The following SLC5A4 variants were observed in gnomAD, a reference collection of about 807,000 sequenced individuals.
SLC5A4 encodes the protein probable glucose sensor protein SLC5A4.
In SLC5A4, 55 loss-of-function variants were observed where a neutral mutation model predicts 70.3. The ratio of observed to expected loss-of-function variants is 0.78; its 90% confidence interval spans 0.63 to 0.98. The LOEUF (loss-of-function observed/expected upper bound fraction) is 0.98, where lower values mean the gene tolerates loss of function less well. Ranked by LOEUF, SLC5A4 falls within the 50% of genes least tolerant of loss-of-function variation. The pLI, the probability that SLC5A4 is intolerant of heterozygous loss-of-function variation, is 0.00. For missense variants in SLC5A4, 735 were observed against 839.2 expected (o/e 0.88, Z 1.53); for synonymous variants, 268 against 305.7 (o/e 0.88, Z 1.29).
chr22:32,221,723 T>C (rs899163967), intron 13 of SLC5A4, among the ~76,000 whole-genome samples: 4 of 152,122 alleles, frequency 2.6e-5, no homozygotes, highest in African/African-American at 9.7e-5. Context: ...AGGAAATTGC[T>C]CCAAGTATCA....
intron 4 of SLC5A4, among the ~76,000 whole-genome samples, chr22:32,248,465 A>G (rs1449289405): frequency 6.6e-6 from 1 of 152,132 alleles, no homozygotes; most frequent in Non-Finnish European, 1.5e-5. Flanking sequence ...ATAATTGTCT[A>G]ACCCACCACC....
chr22:32,353,817 T>C, the SLC5A4 span, among the ~76,000 whole-genome samples: 5 of 148,656 alleles, frequency 3.4e-5, no homozygotes, highest in African/African-American at 2.5e-5. Flanking sequence ...TAGCCACGAA[T>C]AGTGCCCCCA....
chr22:32,234,797 A>T, intron 8 of SLC5A4, 76 bp downstream of exon 8: 1 of 1,057,798 alleles, frequency 9.5e-7, no homozygotes, highest in African/African-American at 1.6e-5. Context: ...GAGACAAGAA[A>T]GAACAAGCAC....
chr22:32,265,764 G>C, the SLC5A4 span, among the ~76,000 whole-genome samples: 72 of 151,768 alleles, frequency 4.7e-4, no homozygotes, highest in Non-Finnish European at 9.1e-4. Context: ...CGCTTGAACC[G>C]GGGAGGTGGA....
At chr22:32,293,827 A>C in the SLC5A4 span, among the ~76,000 whole-genome samples, 4 of 152,108 alleles carry the variant, frequency 2.6e-5, no homozygotes, top group East Asian at 1.9e-4. Context: ...TAAAAATTTT[A>C]ATCTTTTCTA....
the SLC5A4 span, among the ~76,000 whole-genome samples, chr22:32,354,501 G>A: frequency 6.6e-6 from 1 of 151,782 alleles, no homozygotes; most frequent in Non-Finnish European, 1.5e-5. Flanking sequence ...ACCCGATAGC[G>A]CCCCCAACCC....
chr22:32,239,179 T>A (rs1487902109), intron 5 of SLC5A4, 89 bp from the exon 6 acceptor site: 8 of 893,928 alleles, frequency 8.9e-6, no homozygotes, highest in African/African-American at 1.6e-5. Flanking sequence ...TCAACCCTTC[T>A]TTTTCTGATA....
In SLC5A4 at chr22:32,255,253, G is replaced by A; in HGVS notation, c.77C>T (p.Ala26Val). The change falls in exon 1 of 15, where the codon GCT becomes GTT. Residue 26 changes from alanine (A) to valine (V), a missense_variant. By Grantham distance (64) the Ala-to-Val change is moderately conservative. Coordinates refer to ENST00000266086, the MANE Select transcript of SLC5A4 (RefSeq NM_014227.3). ...GATGACAATGACTGAGATGTCAGCAGCATTTCGGATGTGGTCAGACAATGG... is the reference window on the plus strand; with the variant it reads ...GATGACAATGACTGAGATGTCAGCAACATTTCGGATGTGGTCAGACAATGG... Reference protein sequence around the residue: ...PPPLSDHIRNAADISVIVIYF... With the variant: ...PPPLSDHIRNVADISVIVIYF... 1.2e-6 allele frequency: 2 copies of A among 1,614,064 alleles called. No homozygotes were observed. Among genetic ancestry groups the A allele is most frequent in the Non-Finnish European group, 1.7e-6 (2 of 1,179,992 alleles).
intron 8 of SLC5A4, among the ~76,000 whole-genome samples, chr22:32,234,459 G>C (rs1925943141): frequency 6.6e-6 from 1 of 152,206 alleles, no homozygotes; most frequent in Admixed American, 6.5e-5. Context: ...AGCACTTTGA[G>C]AGGCCGAGGC....
the SLC5A4 span, chr22:32,271,114 T>C: frequency 1.6e-6 from 1 of 607,250 alleles, no homozygotes; most frequent in East Asian, 3.4e-5. Flanking sequence ...CCCTGCCGAC[T>C]GGGACTCTGT....
chr22:32,276,191 T>C, the SLC5A4 span, among the ~76,000 whole-genome samples: 4 of 152,374 alleles, frequency 2.6e-5, no homozygotes, highest in Admixed American at 2.6e-4. Flanking sequence ...TTGTAAAATG[T>C]AGATGAATAA....
At chr22:32,281,518 C>CTTTA in the SLC5A4 span, among the ~76,000 whole-genome samples, 18 of 152,300 alleles carry the variant, frequency 1.2e-4, no homozygotes, top group East Asian at 2.5e-3. Context: ...GTTTCTCCAT[C>CTTTA]TTTATTTTAT....
At chr22:32,328,552 C>T in the SLC5A4 span, among the ~76,000 whole-genome samples, 6 of 152,246 alleles carry the variant, frequency 3.9e-5, no homozygotes, top group Admixed American at 1.3e-4. Flanking sequence ...CCAACCAACA[C>T]GTGAACCTAC....
chr22:32,306,390 T>C, the SLC5A4 span, among the ~76,000 whole-genome samples: 95,263 of 150,596 alleles, frequency 0.63, 30,198 homozygotes, highest in East Asian at 0.7. Flanking sequence ...GGCGTGAACC[T>C]GGGAGGCGGA....
At chr22:32,223,695 C>T in intron 13 of SLC5A4, among the ~76,000 whole-genome samples, 1 of 152,138 alleles carries the variant, frequency 6.6e-6, no homozygotes, top group East Asian at 1.9e-4. Context: ...TCCTGGTGTC[C>T]TATGACAATG....
the SLC5A4 span, among the ~76,000 whole-genome samples, chr22:32,337,749 T>C: frequency 0.023 from 3,544 of 152,312 alleles, 143 homozygotes; most frequent in African/African-American, 0.082. Context: ...GCGTAAATAC[T>C]GGTGCTGTCA....
At chr22:32,232,866 A>G (rs750497021) in intron 9 of SLC5A4, 33 bp downstream of exon 9, 2 of 1,584,038 alleles carry the variant, frequency 1.3e-6, no homozygotes, top group African/African-American at 2.7e-5. Flanking sequence ...TACAAGCATA[A>G]AAAAAGAGAG....
the SLC5A4 span, among the ~76,000 whole-genome samples, chr22:32,336,597 G>A: frequency 6.6e-6 from 1 of 152,212 alleles, no homozygotes. Flanking sequence ...CTCCTAATGG[G>A]AGCTGTTTCC....
the SLC5A4 span, among the ~76,000 whole-genome samples, chr22:32,260,713 A>C: frequency 1.8e-3 from 273 of 152,190 alleles, 2 homozygotes; most frequent in African/African-American, 6.5e-3. Context: ...AAAAACCCAA[A>C]AGATAAAACA....
Sources: allele counts gnomAD v4.1 joint callset (sites outside exome capture counted in the v4.1 genomes callset), GRCh38; gene constraint gnomAD v4.1.1; transcripts MANE v1.5; gene names NCBI Gene and HGNC (gene_info 2026-07-23, HGNC 2026-07-21).